The following RTTN variants were observed in gnomAD, a reference collection of about 807,000 sequenced individuals.
RTTN encodes rotatin.
RTTN carries 182 observed loss-of-function variants against 269.2 expected under a neutral mutation model. The observed-to-expected ratio is 0.68, with a 90% CI of 0.60 to 0.76. The LOEUF (loss-of-function observed/expected upper bound fraction) is 0.76. Ranked by LOEUF, RTTN falls within the 30% of genes least tolerant of loss-of-function variation. RTTN has a pLI of 0.00. For synonymous variants in RTTN, 1,006 were observed against 963.5 expected, an observed-to-expected ratio of 1.04 and a Z score of -0.82; for missense variants, 2,545 against 2,608.6, an observed-to-expected ratio of 0.98 and a Z score of 0.53.
At chr18:70,055,850 CAACT>C (rs982915863) in intron 37 of RTTN, among the ~76,000 whole-genome samples, 4 of 152,180 alleles carry the variant, frequency 2.6e-5, no homozygotes, top group South Asian at 2.1e-4. Flanking sequence ...AAATACCAAC[CAACT>C]GACCACAGAC....
intron 46 of RTTN, among the ~76,000 whole-genome samples, chr18:70,010,066 G>A (rs923313147): frequency 6.6e-6 from 1 of 152,146 alleles, no homozygotes; most frequent in Non-Finnish European, 1.5e-5. Context: ...ACCCAATACA[G>A]GAGCACCCAG....
At position 70,127,543 on chromosome 18, in the gene RTTN, C is replaced by T. The variant is rs1359337025; in HGVS notation, c.3342G>A (p.Gly1114=). 1.9e-6 allele frequency: 3 copies of T among 1,613,450 alleles called. No individual in the cohort carries two copies. The highest frequency in any genetic ancestry group is 2.7e-5 in the African/African-American group (2 of 74,986). Reference sequence around the variant, plus strand: ...GCCAAGCCAAGGACTTCAAGGTAACCCCACATGGACCAGGGCAACCCTTTA... The same window carrying T: ...GCCAAGCCAAGGACTTCAAGGTAACTCCACATGGACCAGGGCAACCCTTTA... ...LSLKGCPGPC[G]VTLKSLAWHT... is the part of the protein sequence containing the mutation. Residue 1114 remains glycine (G), a synonymous_variant, in exon 25 of 49, where the codon GGG becomes GGA. Transcript: ENST00000640769.
chr18:70,150,674 A>C lies in RTTN; in HGVS notation c.1989T>G (p.His663Gln). 1.2e-6 allele frequency: 2 copies of C among 1,611,662 alleles called. No homozygotes were observed. Among genetic ancestry groups the C allele is most frequent in the Non-Finnish European group, 1.7e-6 (2 of 1,177,986 alleles). The part of the protein sequence containing the change: ...KPVSSLCNGI[H>Q]FLLHPKVLYE... The stretch of plus-strand genomic sequence containing the variant: ...ACAGAACTTTTGGATGAAGTAGAAA[A>C]TGAATTCCATTGCAAAGTGAAGACA... The change falls in exon 15 of 49, where the codon CAT (histidine) becomes CAG (glutamine). Residue 663 changes from histidine (H) to glutamine (Q), a missense_variant. By Grantham distance (24) the His-to-Gln change is conservative. Coordinates refer to ENST00000640769, the MANE Select transcript of RTTN (RefSeq NM_173630.4).
rs546743877 is a variant in RTTN at position 70,048,646 on chromosome 18, C to A, written c.5324-458G>T. ...TTTATGCTTGTGTGATAATTATAAC[C>A]ATAAAAATTTTTACTTAGATTTTGG... On this transcript the variant is annotated intron_variant, in intron 39 of 48. Transcript: ENST00000640769. Among the ~76,000 whole-genome samples, 10 of 151,664 alleles carry A rather than the reference C, an allele frequency of 6.6e-5. No individual in the cohort carries two copies. The South Asian group carries it at 2.1e-3, about 32-fold the overall frequency.
intron 40 of RTTN, among the ~76,000 whole-genome samples, chr18:70,033,990 T>A (rs895055604): frequency 6.6e-6 from 1 of 152,000 alleles, no homozygotes; most frequent in Non-Finnish European, 1.5e-5. Flanking sequence ...ACATATATCC[T>A]CCCAAGACTG....
chr18:70,169,823 C>T (rs981134666), intron 11 of RTTN, among the ~76,000 whole-genome samples: 3 of 152,130 alleles, frequency 2.0e-5, no homozygotes, highest in South Asian at 2.1e-4. Flanking sequence ...AAAAATTTGA[C>T]GTTCAGAGAA....
chr18:70,042,361 ATTTTCT>A (rs1386747158), intron 40 of RTTN, among the ~76,000 whole-genome samples: 6 of 112,526 alleles, frequency 5.3e-5, no homozygotes, highest in African/African-American at 2.1e-4. Context: ...GGGCTTTGGA[ATTTTCT>A]TTTTTTTTTT....
intron 46 of RTTN, among the ~76,000 whole-genome samples, chr18:70,015,031 T>A (rs1350537628): frequency 6.6e-6 from 1 of 152,304 alleles, no homozygotes; most frequent in East Asian, 1.9e-4. Context: ...TTATTGTCGT[T>A]TTCAGAAGAG....
At position 70,055,615 on chromosome 18, in the gene RTTN, A is replaced by G. The variant is rs544055379; in HGVS notation, c.5032-1331T>C. ...TCTTGAGACTTCATATTACATTCATACTCTACACTACTGAAATTATAGCAA... is the reference window on the plus strand; with the variant it reads ...TCTTGAGACTTCATATTACATTCATGCTCTACACTACTGAAATTATAGCAA... On this transcript the variant is annotated intron_variant, in intron 37 of 48. Transcript: ENST00000640769. Among the ~76,000 whole-genome samples the G allele has an allele frequency of 2.6e-4, 39 of 152,158 alleles. 2 individuals carry two copies. The South Asian group carries it at 7.5e-3, about 29-fold the overall frequency.
chr18:70,204,287 T>C, intron 2 of RTTN, 24 bp from the exon 3 acceptor site: 1 of 1,570,948 alleles, frequency 6.4e-7, no homozygotes, highest in Non-Finnish European at 8.6e-7. Flanking sequence ...AGGATGATCT[T>C]GAGAATAACT....
At chr18:70,103,222 T>G (rs1277950100) in intron 28 of RTTN, among the ~76,000 whole-genome samples, 1 of 151,878 alleles carries the variant, frequency 6.6e-6, no homozygotes, top group Non-Finnish European at 1.5e-5. Flanking sequence ...AAGCATGAAG[T>G]GACAGCCTGT....
rs149182184 is a variant in RTTN at position 70,132,005 on chromosome 18, A to T, written c.2954+2468T>A. On this transcript the variant is annotated intron_variant, in intron 23 of 48. Transcript: ENST00000640769. The stretch of plus-strand genomic sequence containing the variant: ...TAAAACTACAAGGATGGAAAAATAC[A>T]TATCATGCTAACCACTAACCAAATA... 9.2e-5 allele frequency: 14 copies of T among 152,162 alleles called. No homozygotes were observed. In the East Asian group the frequency reaches 2.7e-3, roughly 29 times the overall value. The allele number at this position is 152,162 out of a possible 1,614,324, so 9.4% of individuals were successfully genotyped here. A position where few individuals can be genotyped will look rare whatever the true frequency, so the allele number is the denominator to read the frequency against.
At chr18:70,044,073 C>T (rs1243229372) in intron 40 of RTTN, among the ~76,000 whole-genome samples, 1 of 152,230 alleles carries the variant, frequency 6.6e-6, no homozygotes, top group African/African-American at 2.4e-5. Context: ...CCCTTCTGTA[C>T]ATTTAAGTGA....
rs563207701 is a variant in RTTN at position 70,102,964 on chromosome 18, G to A, written c.3903+6534C>T. Among the ~76,000 whole-genome samples, 331 of 151,082 alleles carry A rather than the reference G, an allele frequency of 2.2e-3. 4 individuals carry two copies. Among genetic ancestry groups the A allele is most frequent in the Non-Finnish European group, 1.6e-3 (105 of 67,716 alleles). Reference sequence around the variant, plus strand: ...CGTCTGGGAAGTGAGGAGCGCCTCTGCCCAGCTGTCCAGTCTGGGAAGTGG... The same window carrying A: ...CGTCTGGGAAGTGAGGAGCGCCTCTACCCAGCTGTCCAGTCTGGGAAGTGG... On this transcript the variant is annotated intron_variant, in intron 28 of 48. Transcript: ENST00000640769.
At chr18:70,068,304 C>T (rs1366934361) in intron 34 of RTTN, among the ~76,000 whole-genome samples, 3 of 152,128 alleles carry the variant, frequency 2.0e-5, no homozygotes, top group Non-Finnish European at 4.4e-5. Context: ...CAGTATGAGC[C>T]TACGAAGCTA....
intron 14 of RTTN, among the ~76,000 whole-genome samples, chr18:70,151,640 T>C (rs2060541587): frequency 6.6e-6 from 1 of 152,138 alleles, no homozygotes; most frequent in African/African-American, 2.4e-5. Context: ...TTCGTTCATA[T>C]TACAAGGTTT....
intron 39 of RTTN, among the ~76,000 whole-genome samples, chr18:70,049,836 T>C (rs1363281834): frequency 6.6e-6 from 1 of 152,160 alleles, no homozygotes; most frequent in Non-Finnish European, 1.5e-5. Context: ...AAAATAATTA[T>C]ACTATACTCT....
chr18:70,041,170 G>A (rs1035833109), intron 40 of RTTN, among the ~76,000 whole-genome samples: 4 of 151,556 alleles, frequency 2.6e-5, no homozygotes, highest in Non-Finnish European at 2.9e-5. Context: ...ATCGGGCCAC[G>A]CTGCACTCCA....
At chr18:70,094,469 T>A (rs890651247) in intron 28 of RTTN, among the ~76,000 whole-genome samples, 1 of 152,202 alleles carries the variant, frequency 6.6e-6, no homozygotes, top group African/African-American at 2.4e-5. Context: ...GTCCCAGAGA[T>A]TCTGGTATAT....
Sources: gnomAD v4.1 joint callset for allele counts (sites outside exome capture counted in the v4.1 genomes callset) on GRCh38, gnomAD v4.1.1 for gene constraint, MANE v1.5 for transcripts, NCBI Gene and HGNC (gene_info 2026-07-23, HGNC 2026-07-21) for gene names.